KIF26B: variants seen among roughly 807,000 people sequenced by gnomAD.
The protein encoded by KIF26B is kinesin-like protein KIF26B.
Under a neutral mutation model 151.2 loss-of-function variants are expected in KIF26B, and 63 were observed. The observed-to-expected ratio is 0.42, with a 90% CI of 0.34 to 0.51. KIF26B has a LOEUF of 0.51. Among genes scored for constraint, KIF26B ranks in the 20% least tolerant of loss-of-function variants. KIF26B has a pLI of 0.07. For synonymous variants in KIF26B, 1,357 were observed against 1,262.1 expected (o/e 1.08, Z -1.59); for missense variants, 2,813 against 2,913.6 (o/e 0.97, Z 0.79).
chr1:245,308,601 G>A (rs76386423), intron 2 of KIF26B, among the ~76,000 whole-genome samples: 10,077 of 152,192 alleles, frequency 0.066, 392 homozygotes, highest in East Asian at 0.1. Context: ...GCATGGTAGC[G>A]TGCACCTGTA....
At chr1:245,197,999 G>A (rs1309707083) in intron 2 of KIF26B, among the ~76,000 whole-genome samples, 1 of 152,124 alleles carries the variant, frequency 6.6e-6, no homozygotes, top group Non-Finnish European at 1.5e-5. Flanking sequence ...CCAAGCTGAG[G>A]GCAGAAAAAG....
chr1:245,426,925 G>A (rs903007783), intron 4 of KIF26B, among the ~76,000 whole-genome samples: 1 of 152,190 alleles, frequency 6.6e-6, no homozygotes, highest in Non-Finnish European at 1.5e-5. Context: ...ATATGATCTT[G>A]TATGATGAAG....
intron 4 of KIF26B, among the ~76,000 whole-genome samples, chr1:245,468,481 G>A (rs972687392): frequency 3.9e-5 from 6 of 152,180 alleles, no homozygotes; most frequent in South Asian, 2.1e-4. Context: ...AGCCTGTCAC[G>A]GTAGTAGCAT....
chr1:245,242,608 A>G (rs1450090517), intron 2 of KIF26B, among the ~76,000 whole-genome samples: 7 of 152,148 alleles, frequency 4.6e-5, no homozygotes, highest in Non-Finnish European at 1.0e-4. Flanking sequence ...GTATAGTATT[A>G]GCAGCTGCAT....
At chr1:245,284,447 T>C (rs1671130669) in intron 2 of KIF26B, among the ~76,000 whole-genome samples, 1 of 152,152 alleles carries the variant, frequency 6.6e-6, no homozygotes, top group South Asian at 2.1e-4. Flanking sequence ...GCAGGTGGTG[T>C]AAATTCTGAC....
rs145358096 is a variant in KIF26B at position 245,623,256 on chromosome 1, C to T, written c.2098+11280C>T. Among the ~76,000 whole-genome samples, 137 of 152,158 alleles carry T rather than the reference C, an allele frequency of 9.0e-4. 3 individuals are homozygous for T. In the East Asian group the frequency reaches 0.022, roughly 25 times the overall value. On this transcript the variant is annotated intron_variant, in intron 9 of 14. Coordinates refer to ENST00000407071, the MANE Select transcript of KIF26B (RefSeq NM_018012.4). ...GCTCCTCTTCCTTCCTGTCTCCAGA[C>T]CCAGGAACCACTGAACTACTTTCAG...
In KIF26B at chr1:245,550,308, G is replaced by T. The variant is rs528418583; in HGVS notation, c.1350+9358G>T. ...AAGTTATTTTCTCGCTGAAATCGGT[G>T]ATGGTAAAATTGGTCTGTTTTCCAA... On this transcript the variant is annotated intron_variant, in intron 5 of 14. Coordinates refer to ENST00000407071, the MANE Select transcript of KIF26B (RefSeq NM_018012.4). Among the ~76,000 whole-genome samples the T allele has an allele frequency of 5.3e-5, 8 of 152,344 alleles. No homozygotes were observed. The East Asian group carries it at 7.7e-4, about 15-fold the overall frequency.
At position 245,702,546 on chromosome 1, in the gene KIF26B, C is replaced by T. The variant is rs751874688; in HGVS notation, c.6267C>T (p.Asn2089=). The T allele has an allele frequency of 1.9e-6, 3 of 1,613,986 alleles. No individual in the cohort carries two copies. Among genetic ancestry groups the T allele is most frequent in the Middle Eastern group, 3.3e-4 (2 of 6,062 alleles). ...CVTERLESRV[N]FCKAHLMMIT... ...CGGAGCGCCTGGAGAGCCGTGTCAA[C>T]TTCTGCAAGGCCCATCTCATGATGA... The change falls in exon 15 of 15, where the codon AAC becomes AAT. Residue 2089 remains asparagine (N), a synonymous_variant. Coordinates refer to ENST00000407071, the MANE Select transcript of KIF26B (RefSeq NM_018012.4). The surrounding 1 kb of genome is among the most constrained non-coding windows in gnomAD (Gnocchi z 4.1).
chr1:245,229,789 C>A (rs960332245), intron 2 of KIF26B, among the ~76,000 whole-genome samples: 3 of 152,168 alleles, frequency 2.0e-5, no homozygotes, highest in African/African-American at 4.8e-5. Context: ...TTCCAAATTT[C>A]TTTATTCATT....
chr1:245,374,059 CAAAAAAAAAAAAAAAAAAAAAA>C (rs1172397969), intron 3 of KIF26B, among the ~76,000 whole-genome samples: 1 of 17,486 alleles, frequency 5.7e-5, no homozygotes, highest in African/African-American at 1.9e-4. Context: ...GAACCTATCT[CAAAAAAAAAAAAAAAAAAAAAA>C]AAAAAAAAAA....
At chr1:245,335,804 C>G (rs1672213103) in intron 2 of KIF26B, among the ~76,000 whole-genome samples, 1 of 142,536 alleles carries the variant, frequency 7.0e-6, no homozygotes, top group Non-Finnish European at 1.5e-5. Flanking sequence ...AAAGGAAGGT[C>G]CCACGCAGGG....
intron 3 of KIF26B, among the ~76,000 whole-genome samples, chr1:245,399,869 T>C (rs902350091): frequency 6.6e-6 from 1 of 152,210 alleles, no homozygotes; most frequent in Non-Finnish European, 1.5e-5. Context: ...GAGATGATTT[T>C]TCAGATGGTA....
At chr1:245,309,022 C>G (rs1016969988) in intron 2 of KIF26B, among the ~76,000 whole-genome samples, 1 of 152,160 alleles carries the variant, frequency 6.6e-6, no homozygotes, top group African/African-American at 2.4e-5. Context: ...ATTTCCAGCA[C>G]AGATGCCTGA....
In KIF26B at chr1:245,687,698, C is replaced by T. The variant is rs779441302; in HGVS notation, c.4715C>T (p.Pro1572Leu). The T allele has an allele frequency of 5.2e-5, 83 of 1,582,914 alleles. No homozygotes were observed. The highest frequency in any genetic ancestry group is 6.9e-5 in the Non-Finnish European group (80 of 1,164,934). The change falls in exon 12 of 15, where the codon CCC (proline) becomes CTC (leucine). Residue 1572 changes from proline (P) to leucine (L), a missense_variant. Coordinates refer to ENST00000407071, the MANE Select transcript of KIF26B (RefSeq NM_018012.4). The surrounding 1 kb of genome is among the most constrained non-coding windows in gnomAD (Gnocchi z 4.9). ...GTGGGTGCAGCCTCGGGCACCCCGC[C>T]CTCCAAGGCTACCCTGGAGGGGAAG... ...NGVGAASGTP[P>L]SKATLEGKVA...
At chr1:245,309,364 CT>C (rs1349725499) in intron 2 of KIF26B, among the ~76,000 whole-genome samples, 1 of 152,162 alleles carries the variant, frequency 6.6e-6, no homozygotes, top group Non-Finnish European at 1.5e-5. Context: ...CTGAGTAGAA[CT>C]GGCCTTCCCG....
At chr1:245,394,688 CTT>C (rs900497785) in intron 3 of KIF26B, among the ~76,000 whole-genome samples, 17 of 123,168 alleles carry the variant, frequency 1.4e-4, no homozygotes, top group African/African-American at 3.7e-4. Context: ...TTTTTTCTTT[CTT>C]TTTTTTTTTT....
At chr1:245,434,316 G>C (rs1658851723) in intron 4 of KIF26B, among the ~76,000 whole-genome samples, 1 of 152,190 alleles carries the variant, frequency 6.6e-6, no homozygotes, top group Admixed American at 6.5e-5. Context: ...CAAGTATCAG[G>C]TTAAAAATTG....
intron 2 of KIF26B, among the ~76,000 whole-genome samples, chr1:245,344,573 A>G (rs1169422849): frequency 1.3e-5 from 2 of 151,678 alleles, no homozygotes; most frequent in African/African-American, 2.4e-5. Flanking sequence ...TGGCTGGAAA[A>G]GGGCAATCAC....
rs964659161 is a variant in KIF26B at position 245,667,956 on chromosome 1, C to T, written c.2259-16277C>T. On this transcript the variant is annotated intron_variant, in intron 10 of 14. Coordinates refer to ENST00000407071, the MANE Select transcript of KIF26B (RefSeq NM_018012.4). The surrounding 1 kb of genome is among the most constrained non-coding windows in gnomAD (Gnocchi z 4.3). ...CCCAGGCTGGAGTGCAGTGCAGTGG[C>T]GCAATCTCAGCTCACTGCAACTTCC... is the stretch of plus-strand genomic sequence containing the variant. Among the ~76,000 whole-genome samples, 5 of 152,144 alleles carry T rather than the reference C, an allele frequency of 3.3e-5. No homozygotes were observed. Among genetic ancestry groups the T allele is most frequent in the African/African-American group, 9.7e-5 (4 of 41,436 alleles).
Sources: gnomAD v4.1 joint callset for allele counts (sites outside exome capture counted in the v4.1 genomes callset) on GRCh38, gnomAD v4.1.1 for gene constraint, Gnocchi (gnomAD v3.1) non-coding constraint, MANE v1.5 for transcripts, NCBI Gene and HGNC (gene_info 2026-07-23, HGNC 2026-07-21) for gene names.